The following SI variants were observed in gnomAD, a reference collection of about 807,000 sequenced individuals.
SI encodes the protein sucrase-isomaltase.
SI carries 235 observed loss-of-function variants against 253.3 expected under a neutral mutation model. That is an observed-to-expected ratio of 0.93 (90% CI 0.83 to 1.03). The LOEUF is 1.03. Among genes scored for constraint, SI ranks in the 50% least tolerant of loss-of-function variants. The pLI is 0.00. For synonymous variants in SI, 819 were observed against 712.0 expected (o/e 1.15, Z -2.39); for missense variants, 2,442 against 2,211.1 (o/e 1.10, Z -2.09).
the SI span, among the ~76,000 whole-genome samples, chr3:165,086,326 T>C: frequency 5.9e-5 from 9 of 152,074 alleles, no homozygotes; most frequent in Non-Finnish European, 1.2e-4. Flanking sequence ...ACCTAATGAG[T>C]TGTTTCACTC....
At chr3:165,066,150 CTT>C (rs986884693) in intron 6 of SI, among the ~76,000 whole-genome samples, 4 of 151,790 alleles carry the variant, frequency 2.6e-5, no homozygotes, top group African/African-American at 7.3e-5. Context: ...TATAAAAACT[CTT>C]TACATATAAT....
At chr3:165,085,108 G>A in the SI span, among the ~76,000 whole-genome samples, 1 of 152,014 alleles carries the variant, frequency 6.6e-6, no homozygotes, top group South Asian at 2.1e-4. Context: ...ATAGACCTGG[G>A]TGTTCACCAG....
At chr3:165,071,213 T>A (rs1560018919) in intron 3 of SI, among the ~76,000 whole-genome samples, 1 of 152,060 alleles carries the variant, frequency 6.6e-6, no homozygotes, top group Non-Finnish European at 1.5e-5. Flanking sequence ...ACATATACAC[T>A]CCAACATATT....
At chr3:165,022,532 A>G (rs1460560150) in intron 26 of SI, among the ~76,000 whole-genome samples, 1 of 88,516 alleles carries the variant, frequency 1.1e-5, no homozygotes, top group Non-Finnish European at 2.3e-5. Flanking sequence ...CTTTTGTGCC[A>G]TCTCACACAC....
At chr3:165,038,952 T>C (rs1712676008) in intron 20 of SI, 126 bp downstream of exon 20, 1 of 608,922 alleles carries the variant, frequency 1.6e-6, no homozygotes, top group Non-Finnish European at 2.9e-6. Flanking sequence ...TTATTTTTTA[T>C]AGTAATGACA....
chr3:165,059,170 A>G lies in SI; in HGVS notation c.1276T>C (p.Leu426=). The G allele has an allele frequency of 6.2e-7, 1 of 1,612,634 alleles. No homozygotes were observed. Among genetic ancestry groups the G allele is most frequent in the Non-Finnish European group, 8.5e-7 (1 of 1,179,194 alleles). ...HDHGQKYVII[L]DPAISIGRRA... ...ATTAAGGTATAATTGATTATTACCA[A>G]GATGATGACATATTTCTGTCCATGG... Residue 426 remains leucine (L), a splice_region_variant and synonymous_variant, in exon 11 of 48, where the codon TTG becomes CTG. Coordinates refer to ENST00000264382, the MANE Select transcript of SI (RefSeq NM_001041.4).
intron 13 of SI, among the ~76,000 whole-genome samples, chr3:165,052,916 T>C (rs1713504537): frequency 6.6e-6 from 1 of 152,012 alleles, no homozygotes; most frequent in Non-Finnish European, 1.5e-5. Flanking sequence ...TATCTTCTTA[T>C]AAAATTTATG....
chr3:164,996,150 C>A, intron 40 of SI, among the ~76,000 whole-genome samples: 1 of 151,726 alleles, frequency 6.6e-6, no homozygotes, highest in East Asian at 1.9e-4. Flanking sequence ...AGTGCGGGGA[C>A]CATGTAGATT....
chr3:165,059,714 A>G (rs574977288), intron 10 of SI, among the ~76,000 whole-genome samples, 188 bp downstream of exon 10: 1 of 152,102 alleles, frequency 6.6e-6, no homozygotes, highest in Non-Finnish European at 1.5e-5. Flanking sequence ...CTTCAAAAGC[A>G]TATATTTGTA....
chr3:165,012,957 T>C, intron 34 of SI, 23 bp downstream of exon 34: 1 of 1,431,504 alleles, frequency 7.0e-7, no homozygotes, highest in Non-Finnish European at 9.9e-7. Flanking sequence ...TCTCATTGTA[T>C]AGTTAGCCCG....
chr3:165,032,501 A>C, intron 24 of SI, 21 bp downstream of exon 24: 1 of 1,519,734 alleles, frequency 6.6e-7, no homozygotes, highest in Non-Finnish European at 9.1e-7. Flanking sequence ...TAGCTAAAAT[A>C]TTTTAAAAGA....
chr3:165,035,929 G>A (rs1272604365), intron 22 of SI, among the ~76,000 whole-genome samples: 1 of 151,412 alleles, frequency 6.6e-6, no homozygotes, highest in Non-Finnish European at 1.5e-5. Context: ...AAGATAATAA[G>A]GAAAATAAAT....
intron 33 of SI, among the ~76,000 whole-genome samples, chr3:165,013,372 T>C (rs1158326333): frequency 6.6e-6 from 1 of 152,052 alleles, no homozygotes; most frequent in Non-Finnish European, 1.5e-5. Flanking sequence ...TTTAATATAG[T>C]ATATTAGAAT....
intron 12 of SI, among the ~76,000 whole-genome samples, chr3:165,057,049 A>T (rs1713726653): frequency 6.6e-6 from 1 of 152,024 alleles, no homozygotes; most frequent in Admixed American, 6.6e-5. Context: ...TCAGACAGAA[A>T]ATTCGAAATA....
chr3:165,059,002 C>A lies in SI; in HGVS notation c.1359G>T (p.Trp453Cys). Reference sequence around the variant, plus strand: ...GTGTACTTCCATCTGACTCATTTATCCACACATGTTGTGTGTTTCCCCTCT... The same window carrying A: ...GTGTACTTCCATCTGACTCATTTATACACACATGTTGTGTGTTTCCCCTCT... Reference protein sequence around the residue: ...TYERGNTQHVWINESDGSTPI... With the variant: ...TYERGNTQHVCINESDGSTPI... The change falls in exon 12 of 48, where the codon TGG (tryptophan) becomes TGT (cysteine). Residue 453 changes from tryptophan (W) to cysteine (C), a missense_variant. Physicochemically the swap from Trp to Cys is radical, Grantham distance 215 (BLOSUM62 -2). Transcript: ENST00000264382. 1 of 1,610,838 alleles carries A rather than the reference C, an allele frequency of 6.2e-7. No individual in the cohort carries two copies. The highest frequency in any genetic ancestry group is 8.5e-7 in the Non-Finnish European group (1 of 1,177,626).
At chr3:165,021,701 G>A (rs932917647) in intron 26 of SI, among the ~76,000 whole-genome samples, 8 of 151,528 alleles carry the variant, frequency 5.3e-5, no homozygotes, top group Non-Finnish European at 8.9e-5. Context: ...TTATTTCATG[G>A]TTAAAAACAG....
intron 47 of SI, among the ~76,000 whole-genome samples, chr3:164,981,782 A>C (rs1717200685): frequency 6.6e-6 from 1 of 152,184 alleles, no homozygotes; most frequent in Non-Finnish European, 1.5e-5. Context: ...TACTGGCAGC[A>C]ATGATGCTTT....
chr3:165,009,372 G>A lies in SI; in HGVS notation c.4086C>T (p.Phe1362=). The change falls in exon 35 of 48, where the codon TTC becomes TTT. Residue 1362 remains phenylalanine, a synonymous_variant. Coordinates refer to ENST00000264382, the MANE Select transcript of SI (RefSeq NM_001041.4). ...AVNASRAHVA[F]PDFFRTSTAE... ...CTGTGGAAGTCCTGAAGAAATCTGG[G>A]AAAGCTACATGAGCTCTGGAAGCCT... is the stretch of plus-strand genomic sequence containing the variant. 1.2e-6 allele frequency: 2 copies of A among 1,613,316 alleles called. No homozygotes were observed. Among genetic ancestry groups the A allele is most frequent in the East Asian group, 4.5e-5 (2 of 44,788 alleles).
intron 9 of SI, among the ~76,000 whole-genome samples, 155 bp from the exon 10 acceptor site, chr3:165,060,182 C>A (rs1485196663): frequency 6.6e-6 from 1 of 151,958 alleles, no homozygotes; most frequent in South Asian, 2.1e-4. Flanking sequence ...GGATTCTAAA[C>A]AATTTCCTAT....
Sources: allele counts gnomAD v4.1 joint callset (sites outside exome capture counted in the v4.1 genomes callset), GRCh38; gene constraint gnomAD v4.1.1; transcripts MANE v1.5; gene names NCBI Gene and HGNC (gene_info 2026-07-23, HGNC 2026-07-21).